IL1RAPL1: variants seen among roughly 807,000 people sequenced by gnomAD.
The protein encoded by IL1RAPL1 is interleukin 1 receptor accessory protein like 1, also known as interleukin-1 receptor accessory protein-like 1.
A neutral mutation model predicts 48.4 loss-of-function variants in IL1RAPL1; 3 were observed. That is an observed-to-expected ratio of 0.06 (90% CI 0.03 to 0.16). The LOEUF (loss-of-function observed/expected upper bound fraction) is 0.16. Among genes scored for constraint, IL1RAPL1 ranks in the 10% least tolerant of loss-of-function variants. The pLI, the probability that IL1RAPL1 is intolerant of heterozygous loss-of-function variation, is 1.00. For missense variants in IL1RAPL1, 349 were observed against 530.6 expected (o/e 0.66, Z 3.36); for synonymous variants, 185 against 187.7 (o/e 0.99, Z 0.12).
chrX:28,822,009 C>A (rs1046023101), intron 2 of IL1RAPL1, among the ~76,000 whole-genome samples: 3 of 110,289 alleles, frequency 2.7e-5, no homozygotes, highest in African/African-American at 9.9e-5. Flanking sequence ...GGCTCTGTTC[C>A]CTGCTTTCCC....
chrX:28,673,871 A>C (rs1934972939), intron 1 of IL1RAPL1, among the ~76,000 whole-genome samples: 1 of 111,821 alleles, frequency 8.9e-6, no homozygotes, highest in Non-Finnish European at 1.9e-5. Flanking sequence ...TTATTTCACC[A>C]GCAGTTTGGG....
chrX:29,732,506 CT>C (rs2147131235), intron 6 of IL1RAPL1, among the ~76,000 whole-genome samples: 1 of 111,704 alleles, frequency 9.0e-6, no homozygotes, highest in East Asian at 2.8e-4. Context: ...TTGATCTATC[CT>C]TTCTATGCCC....
At chrX:29,503,817 T>C (rs916022615) in intron 5 of IL1RAPL1, among the ~76,000 whole-genome samples, 3 of 109,850 alleles carry the variant, frequency 2.7e-5, no homozygotes, top group African/African-American at 1.0e-4. Context: ...GCCCAACCAA[T>C]TTTTAAAAAT....
chrX:29,258,737 A>G (rs1045446069), intron 2 of IL1RAPL1, among the ~76,000 whole-genome samples: 1 of 111,244 alleles, frequency 9.0e-6, no homozygotes, highest in African/African-American at 3.3e-5. Context: ...ATACACACAC[A>G]TGAGCACAAT....
At chrX:28,806,252 T>C (rs1313421220) in intron 2 of IL1RAPL1, among the ~76,000 whole-genome samples, 1 of 112,168 alleles carries the variant, frequency 8.9e-6, no homozygotes, top group Non-Finnish European at 1.9e-5. Context: ...TTATTGTGTA[T>C]AATCCCCTGC....
chrX:29,805,949 A>C (rs1930245231), intron 6 of IL1RAPL1, among the ~76,000 whole-genome samples: 1 of 108,026 alleles, frequency 9.3e-6, no homozygotes, highest in South Asian at 3.9e-4. Flanking sequence ...ATATATATAT[A>C]AAATCTATAG....
chrX:29,181,602 A>G (rs970762354), intron 2 of IL1RAPL1, among the ~76,000 whole-genome samples: 2 of 111,790 alleles, frequency 1.8e-5, no homozygotes, highest in East Asian at 2.8e-4. Flanking sequence ...AATTCCTACT[A>G]TGTACCACAT....
chrX:28,686,865 T>C (rs749697587), intron 1 of IL1RAPL1, among the ~76,000 whole-genome samples: 14 of 112,067 alleles, frequency 1.2e-4, no homozygotes, highest in Admixed American at 1.2e-3. Flanking sequence ...TCTGGAGCAA[T>C]TGATGATATA....
At chrX:28,912,449 A>G (rs1222176747) in intron 2 of IL1RAPL1, among the ~76,000 whole-genome samples, 2 of 110,775 alleles carry the variant, frequency 1.8e-5, no homozygotes, top group Non-Finnish European at 3.8e-5. Flanking sequence ...CCATTATGCC[A>G]TTTTTGAGAG....
chrX:28,967,805 G>C (rs1391167551), intron 2 of IL1RAPL1, among the ~76,000 whole-genome samples: 1 of 112,392 alleles, frequency 8.9e-6, no homozygotes, highest in Non-Finnish European at 1.9e-5. Context: ...GAATGTTAAA[G>C]TGGAAAAAGT....
In IL1RAPL1 at chrX:28,837,119, C is replaced by T. The variant is rs199787802; in HGVS notation, c.82+47694C>T. Among the ~76,000 whole-genome samples the T allele has an allele frequency of 2.1e-4, 23 of 110,931 alleles. No homozygotes were observed. In the East Asian group the frequency reaches 5.7e-3, roughly 27 times the overall value. On this transcript the variant is annotated intron_variant, in intron 2 of 10. Coordinates refer to ENST00000378993, the MANE Select transcript of IL1RAPL1 (RefSeq NM_014271.4). ...GCATTAAATATCATGTTTTGATATG[C>T]GTATACATTGTGGAATGGTTAAATC...
intron 5 of IL1RAPL1, among the ~76,000 whole-genome samples, chrX:29,511,354 A>G (rs1454458109): frequency 8.9e-6 from 1 of 111,859 alleles, no homozygotes; most frequent in Non-Finnish European, 1.9e-5. Context: ...TGTGCCTCAG[A>G]GCAAATGCAC....
At chrX:29,301,523 T>A (rs780054692) in intron 3 of IL1RAPL1, among the ~76,000 whole-genome samples, 7 of 112,346 alleles carry the variant, frequency 6.2e-5, no homozygotes, top group Non-Finnish European at 1.1e-4. Flanking sequence ...GTATCCAACA[T>A]GAAAATTATT....
At chrX:28,871,682 G>A (rs1922210751) in intron 2 of IL1RAPL1, among the ~76,000 whole-genome samples, 1 of 111,677 alleles carries the variant, frequency 9.0e-6, no homozygotes, top group South Asian at 3.8e-4. Flanking sequence ...GTAACCCCAG[G>A]TGATTAGGGT....
chrX:28,739,647 C>T (rs761935955), intron 1 of IL1RAPL1, among the ~76,000 whole-genome samples: 1 of 111,676 alleles, frequency 9.0e-6, no homozygotes, highest in South Asian at 3.7e-4. Context: ...TCAATGTACA[C>T]TCTGTGCATT....
intron 2 of IL1RAPL1, among the ~76,000 whole-genome samples, chrX:29,173,574 A>G (rs745674555): frequency 2.7e-5 from 3 of 111,521 alleles, no homozygotes; most frequent in Non-Finnish European, 5.6e-5. Flanking sequence ...GGGCCACTCT[A>G]TTATTGTAAG....
intron 2 of IL1RAPL1, among the ~76,000 whole-genome samples, chrX:28,994,006 A>G (rs982960301): frequency 9.0e-6 from 1 of 111,438 alleles, no homozygotes; most frequent in African/African-American, 3.3e-5. Context: ...CTGAACAAAT[A>G]GGCTGAAATC....
rs1215928212 is a variant in IL1RAPL1 at position 29,955,082 on chromosome X, C to T, written c.1373-20C>T. On this transcript the variant is annotated intron_variant, in intron 10 of 10. Transcript: ENST00000378993. The stretch of plus-strand genomic sequence containing the variant: ...AATTTTCCATTCACTCATTTTGATG[C>T]ACTCTTTTATCTTTTGTAGCATACA... 7 of 1,166,523 alleles carry T rather than the reference C, an allele frequency of 6.0e-6. No individual in the cohort carries two copies. In the East Asian group the frequency reaches 2.1e-4, roughly 35 times the overall value.
At chrX:29,281,707 C>A (rs1034090397) in intron 2 of IL1RAPL1, among the ~76,000 whole-genome samples, 1 of 111,968 alleles carries the variant, frequency 8.9e-6, no homozygotes, top group African/African-American at 3.2e-5. Context: ...GAGAAAAAAA[C>A]ACAGTCATTT....
Sources: gnomAD v4.1 joint callset for allele counts (sites outside exome capture counted in the v4.1 genomes callset) on GRCh38, gnomAD v4.1.1 for gene constraint, MANE v1.5 for transcripts, NCBI Gene and HGNC (gene_info 2026-07-23, HGNC 2026-07-21) for gene names.